The following TBC1D22A variants were observed in gnomAD, a reference collection of about 807,000 sequenced individuals.
TBC1D22A encodes the protein TBC1 domain family member 22A.
A neutral mutation model predicts 60.2 loss-of-function variants in TBC1D22A; 38 were observed. The observed-to-expected ratio is 0.63, with a 90% CI of 0.49 to 0.83. TBC1D22A has a LOEUF of 0.83. Among genes scored for constraint, TBC1D22A ranks in the 40% least tolerant of loss-of-function variants. The pLI is 0.00. For missense variants in TBC1D22A, 628 were observed against 701.0 expected (o/e 0.90, Z 1.18); for synonymous variants, 302 against 281.7 (o/e 1.07, Z -0.72).
intron 4 of TBC1D22A, among the ~76,000 whole-genome samples, chr22:46,824,185 G>A (rs1569092111): frequency 6.6e-6 from 1 of 152,154 alleles, no homozygotes; most frequent in African/African-American, 2.4e-5. Flanking sequence ...CCTACTTAGA[G>A]CGTCTCTCAG....
In TBC1D22A at chr22:46,793,601, G is replaced by T. The variant is rs142628893; in HGVS notation, c.220G>T (p.Ala74Ser). 1 of 1,614,006 alleles carries T rather than the reference G, an allele frequency of 6.2e-7. No individual in the cohort carries two copies. The highest frequency in any genetic ancestry group is 8.5e-7 in the Non-Finnish European group (1 of 1,180,050). Residue 74 changes from alanine to serine, a missense_variant, in exon 3 of 13, where the codon GCT becomes TCT. Ala to Ser is a moderately conservative substitution (Grantham distance 99, BLOSUM62 1). Coordinates refer to ENST00000337137, the MANE Select transcript of TBC1D22A (RefSeq NM_014346.5). ...GAGCAATACCAGCGATGCCTGGGAC[G>T]CTGGGGAGGACGACGATGAGCTCCT... Reference protein sequence around the residue: ...FESNTSDAWDAGEDDDELLAM... With the variant: ...FESNTSDAWDSGEDDDELLAM...
intron 4 of TBC1D22A, among the ~76,000 whole-genome samples, chr22:46,870,715 C>A (rs909901283): frequency 1.1e-4 from 17 of 152,294 alleles, no homozygotes; most frequent in African/African-American, 4.1e-4. Context: ...TGAAGGCTTG[C>A]TTGCTGTGTC....
rs141920145 is a variant in TBC1D22A at position 47,165,772 on chromosome 22, G to A, written c.1426-7726G>A. Among the ~76,000 whole-genome samples the A allele has an allele frequency of 5.3e-3, 807 of 152,182 alleles. 3 individuals carry two copies. The highest frequency in any genetic ancestry group is 8.9e-3 in the Non-Finnish European group (604 of 67,962). On this transcript the variant is annotated intron_variant, in intron 12 of 12. Coordinates refer to ENST00000337137, the MANE Select transcript of TBC1D22A (RefSeq NM_014346.5). ...GCTGCTGCCCTGCCCCCCGGACCCC[G>A]GGGGTCCTCAGCGGCCTCCCCAGGT... is the stretch of plus-strand genomic sequence containing the variant.
At chr22:47,057,893 A>G (rs2063447970) in intron 11 of TBC1D22A, among the ~76,000 whole-genome samples, 1 of 152,188 alleles carries the variant, frequency 6.6e-6, no homozygotes, top group African/African-American at 2.4e-5. Context: ...TATAAGGTGA[A>G]ATGCAACTAC....
chr22:47,077,066 G>C (rs1032332643), intron 11 of TBC1D22A, among the ~76,000 whole-genome samples: 4 of 152,208 alleles, frequency 2.6e-5, no homozygotes, highest in African/African-American at 9.6e-5. Context: ...GTAATCACAT[G>C]GCTGTTCTTA....
At chr22:47,104,760 A>T (rs1442463013) in intron 11 of TBC1D22A, among the ~76,000 whole-genome samples, 1 of 152,000 alleles carries the variant, frequency 6.6e-6, no homozygotes, top group African/African-American at 2.4e-5. Flanking sequence ...AGCAGCCACT[A>T]TAAGACTTCA....
chr22:46,932,720 CTTTTTTTTT>C (rs67463903), intron 8 of TBC1D22A, among the ~76,000 whole-genome samples: 1 of 66,322 alleles, frequency 1.5e-5, no homozygotes, highest in Non-Finnish European at 2.6e-5. Flanking sequence ...GTCCTTCTTG[CTTTTTTTTT>C]TTTTTTTTTT....
At chr22:47,042,379 A>C (rs131889) in intron 11 of TBC1D22A, among the ~76,000 whole-genome samples, 33,457 of 152,044 alleles carry the variant, frequency 0.22, 4,001 homozygotes, top group East Asian at 0.3. Flanking sequence ...GGTCTGTGGA[A>C]TTGCTACCTT....
At chr22:47,043,213 A>G (rs1422914783) in intron 11 of TBC1D22A, among the ~76,000 whole-genome samples, 1 of 152,240 alleles carries the variant, frequency 6.6e-6, no homozygotes. Context: ...CAGGGTGTCC[A>G]TGGCAGGGGG....
chr22:46,774,085 C>G (rs182279726), intron 1 of TBC1D22A: 1 of 985,630 alleles, frequency 1.0e-6, no homozygotes, highest in African/African-American at 1.7e-5. Context: ...CTCCCGCCCC[C>G]GCACCCATCC....
intron 8 of TBC1D22A, chr22:46,913,577 G>A: frequency 8.5e-7 from 1 of 1,176,288 alleles, no homozygotes; most frequent in Non-Finnish European, 1.1e-6. Context: ...GTAGGGGAGA[G>A]GCTACTCCTG....
intron 5 of TBC1D22A, among the ~76,000 whole-genome samples, chr22:46,885,884 G>C (rs975156235): frequency 6.6e-6 from 1 of 151,618 alleles, no homozygotes; most frequent in African/African-American, 2.4e-5. Context: ...CTCGGGGCTG[G>C]TTATTCTTTT....
intron 1 of TBC1D22A, among the ~76,000 whole-genome samples, chr22:46,776,110 T>C (rs1303152637): frequency 6.6e-6 from 1 of 152,196 alleles, no homozygotes; most frequent in Non-Finnish European, 1.5e-5. Context: ...CCTGTGGCAG[T>C]ATAGGCAAGG....
intron 4 of TBC1D22A, among the ~76,000 whole-genome samples, chr22:46,823,572 A>G (rs567962432): frequency 2.9e-4 from 44 of 152,336 alleles, no homozygotes; most frequent in African/African-American, 1.0e-3. Flanking sequence ...GGCAGGATGC[A>G]GACTGCAGTG....
At chr22:46,907,082 TGTGTGTGTGCTCTTCAC>T (rs1455717511) in intron 7 of TBC1D22A, among the ~76,000 whole-genome samples, 1 of 151,602 alleles carries the variant, frequency 6.6e-6, no homozygotes, top group Non-Finnish European at 1.5e-5. Context: ...TGCTCTTCTG[TGTGTGTGTGCTCTTCAC>T]GTGTGTGCGC....
At chr22:47,005,922 GCA>G (rs368755011) in intron 10 of TBC1D22A, among the ~76,000 whole-genome samples, 4 of 143,606 alleles carry the variant, frequency 2.8e-5, no homozygotes, top group Admixed American at 6.9e-5. Context: ...ACACCCATAT[GCA>G]CACACACACA....
At chr22:47,054,358 C>G (rs142345956) in intron 11 of TBC1D22A, among the ~76,000 whole-genome samples, 1 of 152,282 alleles carries the variant, frequency 6.6e-6, no homozygotes, top group East Asian at 1.9e-4. Context: ...GCTTCATTTT[C>G]TTCTGCCTCG....
intron 11 of TBC1D22A, among the ~76,000 whole-genome samples, chr22:47,086,789 C>CACAG (rs2064710727): frequency 6.6e-6 from 1 of 152,170 alleles, no homozygotes; most frequent in Admixed American, 6.5e-5. Flanking sequence ...CAAGAATGAG[C>CACAG]ACAGACGGGT....
chr22:46,977,214 A>T (rs181982966), intron 9 of TBC1D22A, among the ~76,000 whole-genome samples: 1 of 152,216 alleles, frequency 6.6e-6, no homozygotes, highest in African/African-American at 2.4e-5. Context: ...CAGAAACCAC[A>T]TCTATTTTTT....
Sources: allele counts gnomAD v4.1 joint callset (sites outside exome capture counted in the v4.1 genomes callset), GRCh38; gene constraint gnomAD v4.1.1; transcripts MANE v1.5; gene names NCBI Gene and HGNC (gene_info 2026-07-23, HGNC 2026-07-21).